The following MEIS1 variants were observed in gnomAD, a reference collection of about 807,000 sequenced individuals.
MEIS1 encodes Meis homeobox 1, also known as homeobox protein Meis1.
A neutral mutation model predicts 50.8 loss-of-function variants in MEIS1; 5 were observed. The observed-to-expected ratio is 0.10, with a 90% confidence interval of 0.05 to 0.21. The LOEUF (loss-of-function observed/expected upper bound fraction) is 0.21. Ranked by LOEUF, MEIS1 falls within the 10% of genes least tolerant of loss-of-function variation. The pLI is 1.00. For missense variants in MEIS1, 318 were observed against 517.3 expected, an observed-to-expected ratio of 0.61 and a Z score of 3.74; for synonymous variants, 176 against 179.3, an observed-to-expected ratio of 0.98 and a Z score of 0.15.
At chr2:66,527,847 C>A (rs1449776530) in intron 8 of MEIS1, among the ~76,000 whole-genome samples, 1 of 152,114 alleles carries the variant, frequency 6.6e-6, no homozygotes, top group African/African-American at 2.4e-5. Context: ...TCTAACTTAT[C>A]TTTGAATTGC....
chr2:66,467,367 TA>T (rs147538409), intron 7 of MEIS1, among the ~76,000 whole-genome samples: 30,170 of 149,808 alleles, frequency 0.2, 3,514 homozygotes, highest in African/African-American at 0.33. Context: ...GAGGCCGAGG[TA>T]GGGGGGGGTC....
chr2:66,540,693 A>G (rs1470326695), intron 8 of MEIS1, among the ~76,000 whole-genome samples: 1 of 152,226 alleles, frequency 6.6e-6, no homozygotes, highest in East Asian at 1.9e-4. Context: ...TAGCTGTTCA[A>G]CATAATTTTA....
intron 5 of MEIS1, chr2:66,442,633 C>T: frequency 2.6e-6 from 1 of 386,484 alleles, no homozygotes; most frequent in Non-Finnish European, 4.5e-6. Context: ...TGACCACAGC[C>T]CCAGGAGCAG....
intron 6 of MEIS1, among the ~76,000 whole-genome samples, chr2:66,448,172 G>A (rs1672196201): frequency 6.6e-6 from 1 of 151,990 alleles, no homozygotes; most frequent in African/African-American, 2.4e-5. Flanking sequence ...AATGTGGGCC[G>A]GGCTTTCAAA....
At chr2:66,438,360 C>A (rs758518260) in intron 2 of MEIS1, among the ~76,000 whole-genome samples, 33 of 152,168 alleles carry the variant, frequency 2.2e-4, no homozygotes, top group Non-Finnish European at 4.1e-4. Context: ...AAGGGAAAAT[C>A]TCTTTTAAGC....
intron 6 of MEIS1, among the ~76,000 whole-genome samples, chr2:66,446,766 G>A (rs1672159150): frequency 6.6e-6 from 1 of 152,188 alleles, no homozygotes; most frequent in African/African-American, 2.4e-5. Context: ...GCCAAGTGCT[G>A]CCGAGCTCCC....
At position 66,462,710 on chromosome 2, in the gene MEIS1, C is replaced by CGT. The variant is rs1377323342; in HGVS notation, c.631-1393_631-1392dup. Among the ~76,000 whole-genome samples, 9 of 152,270 alleles carry CGT rather than the reference C, an allele frequency of 5.9e-5. No homozygotes were observed. In the East Asian group the frequency reaches 1.7e-3, roughly 29 times the overall value. Reference sequence around the variant, plus strand: ...CATTCTTCTGGTATGCTGCAGAATGCGTGTGTGCAAAAAGCACTTCTTTCA... The same window carrying CGT: ...CATTCTTCTGGTATGCTGCAGAATGCGTGTGTGTGCAAAAAGCACTTCTTTCA... On this transcript the variant is annotated intron_variant, in intron 6 of 12. Transcript: ENST00000272369.
intron 10 of MEIS1, 41 bp from the exon 11 acceptor site, chr2:66,568,626 C>T (rs769569503): frequency 6.7e-7 from 1 of 1,486,624 alleles, no homozygotes; most frequent in South Asian, 1.1e-5. Context: ...CTTTTGCTCT[C>T]AGAGACTGTT....
intron 7 of MEIS1, among the ~76,000 whole-genome samples, chr2:66,483,639 C>A (rs535781628): frequency 2.0e-5 from 3 of 152,232 alleles, no homozygotes; most frequent in African/African-American, 7.2e-5. Flanking sequence ...TGAGAAGGGA[C>A]GCAGACTGAT....
chr2:66,501,873 T>C (rs1353564796), intron 7 of MEIS1, among the ~76,000 whole-genome samples: 1 of 152,206 alleles, frequency 6.6e-6, no homozygotes, highest in Non-Finnish European at 1.5e-5. Flanking sequence ...TTGTCAATTT[T>C]TTTTTTTCAT....
chr2:66,514,906 T>C (rs981598162), intron 8 of MEIS1, among the ~76,000 whole-genome samples: 1 of 152,186 alleles, frequency 6.6e-6, no homozygotes, highest in Admixed American at 6.6e-5. Flanking sequence ...AAGGAGCTAA[T>C]TTTAATAAAT....
chr2:66,469,808 A>G (rs1391367092), intron 7 of MEIS1, among the ~76,000 whole-genome samples: 1 of 152,174 alleles, frequency 6.6e-6, no homozygotes, highest in Non-Finnish European at 1.5e-5. Flanking sequence ...AGGCCACAGA[A>G]GATATTTTAA....
At chr2:66,436,495 A>G (rs778906518) in intron 1 of MEIS1, among the ~76,000 whole-genome samples, 14 of 152,218 alleles carry the variant, frequency 9.2e-5, no homozygotes, top group Admixed American at 2.6e-4. Flanking sequence ...TCCTTTTTCA[A>G]TGGAAATGCA....
At position 66,464,742 on chromosome 2, in the gene MEIS1, A is replaced by G. The variant is rs543380999; in HGVS notation, c.742+522A>G. On this transcript the variant is annotated intron_variant, in intron 7 of 12. Transcript: ENST00000272369. ...GTGCTTGACTTCATTGCAAAGCCAG[A>G]CTAAATAAAATTTAGGAAGACATGG... Among the ~76,000 whole-genome samples the G allele has an allele frequency of 3.9e-5, 6 of 152,302 alleles. No individual in the cohort carries two copies. The South Asian group carries it at 1.2e-3, about 32-fold the overall frequency.
At chr2:66,492,833 A>T (rs932056370) in intron 7 of MEIS1, among the ~76,000 whole-genome samples, 1 of 152,184 alleles carries the variant, frequency 6.6e-6, no homozygotes, top group Non-Finnish European at 1.5e-5. Context: ...TATTCAGGAC[A>T]CTGGAAGTTT....
At chr2:66,538,291 C>T (rs1674567793) in intron 8 of MEIS1, among the ~76,000 whole-genome samples, 1 of 152,184 alleles carries the variant, frequency 6.6e-6, no homozygotes, top group African/African-American at 2.4e-5. Flanking sequence ...GATTCTGAGC[C>T]TCAGTGTCCT....
rs1274227201 is a variant in MEIS1 at position 66,457,611 on chromosome 2, A to G, written c.631-6498A>G. Among the ~76,000 whole-genome samples, 3 of 152,154 alleles carry G rather than the reference A, an allele frequency of 2.0e-5. No individual in the cohort carries two copies. The East Asian group carries it at 5.8e-4, about 29-fold the overall frequency. On this transcript the variant is annotated intron_variant, in intron 6 of 12. Coordinates refer to ENST00000272369, the MANE Select transcript of MEIS1 (RefSeq NM_002398.3). ...ATAAGAAATGATATTTGCTGAAGTCATGCACCTTTAAGGATCCCGAAAAAC... is the reference window on the plus strand; with the variant it reads ...ATAAGAAATGATATTTGCTGAAGTCGTGCACCTTTAAGGATCCCGAAAAAC...
chr2:66,493,860 G>A (rs1673332650), intron 7 of MEIS1, among the ~76,000 whole-genome samples: 1 of 152,150 alleles, frequency 6.6e-6, no homozygotes, highest in Non-Finnish European at 1.5e-5. Flanking sequence ...CTTTTACTCT[G>A]AGTGACCCAT....
intron 9 of MEIS1, among the ~76,000 whole-genome samples, chr2:66,553,065 G>A (rs964654542): frequency 1.3e-5 from 2 of 152,122 alleles, no homozygotes; most frequent in African/African-American, 4.8e-5. Flanking sequence ...AACAGTACAC[G>A]ATGCAAGAAG....
Sources: allele counts gnomAD v4.1 joint callset (sites outside exome capture counted in the v4.1 genomes callset), GRCh38; gene constraint gnomAD v4.1.1; transcripts MANE v1.5; gene names NCBI Gene and HGNC (gene_info 2026-07-23, HGNC 2026-07-21).